TENM2: variants seen among roughly 807,000 people sequenced by gnomAD.
TENM2 encodes teneurin transmembrane protein 2, also known as teneurin-2.
Under a neutral mutation model 245.2 loss-of-function variants are expected in TENM2, and 52 were observed. The observed-to-expected ratio is 0.21, with a 90% CI of 0.17 to 0.27. TENM2 has a LOEUF of 0.27. Ranked by LOEUF, TENM2 falls within the 10% of genes least tolerant of loss-of-function variation. TENM2 has a pLI of 1.00. For synonymous variants in TENM2, 1,363 were observed against 1,438.9 expected (o/e 0.95, Z 1.19); for missense variants, 3,046 against 3,666.8 (o/e 0.83, Z 4.37).
intron 2 of TENM2, among the ~76,000 whole-genome samples, chr5:167,452,383 G>A (rs916646638): frequency 4.6e-5 from 7 of 152,140 alleles, no homozygotes; most frequent in African/African-American, 1.7e-4. Flanking sequence ...AGACTCATGA[G>A]TAAAGAAATG....
chr5:167,669,085 C>A (rs914208192), intron 2 of TENM2, among the ~76,000 whole-genome samples: 2 of 152,114 alleles, frequency 1.3e-5, no homozygotes, highest in Non-Finnish European at 2.9e-5. Flanking sequence ...ATTTCCAAAA[C>A]GAACTTTAAA....
intron 2 of TENM2, among the ~76,000 whole-genome samples, chr5:167,478,786 T>C (rs1767561920): frequency 6.6e-6 from 1 of 152,222 alleles, no homozygotes; most frequent in Non-Finnish European, 1.5e-5. Context: ...TTTTATGATA[T>C]GACTTCTCGG....
the TENM2 span, among the ~76,000 whole-genome samples, chr5:166,996,416 T>C: frequency 6.6e-6 from 1 of 152,202 alleles, no homozygotes; most frequent in Non-Finnish European, 1.5e-5. Flanking sequence ...TTAAAATGCC[T>C]GCATCCATAA....
At chr5:168,205,140 A>T (rs2152540428) in intron 19 of TENM2, among the ~76,000 whole-genome samples, 1 of 152,292 alleles carries the variant, frequency 6.6e-6, no homozygotes, top group South Asian at 2.1e-4. Flanking sequence ...CTGTGCTGGG[A>T]AAAAACTGAC....
the TENM2 span, among the ~76,000 whole-genome samples, chr5:167,258,214 T>TATATATATATGTGTATATATATATATAC: frequency 7.0e-6 from 1 of 143,190 alleles, no homozygotes; most frequent in Non-Finnish European, 1.5e-5. Flanking sequence ...TATATATATA[T>TATATATATATGTGTATATATATATATAC]GTATATATAT....
intron 4 of TENM2, among the ~76,000 whole-genome samples, chr5:167,989,405 G>A (rs922092933): frequency 6.6e-6 from 1 of 152,102 alleles, no homozygotes; most frequent in African/African-American, 2.4e-5. Flanking sequence ...TGGGTTAGGT[G>A]GGACAGAGAA....
At chr5:167,315,626 A>T (rs1226468347) in intron 1 of TENM2, among the ~76,000 whole-genome samples, 1 of 152,106 alleles carries the variant, frequency 6.6e-6, no homozygotes, top group Non-Finnish European at 1.5e-5. Flanking sequence ...AGTGAGGATG[A>T]TTTTTTTCAA....
intron 2 of TENM2, among the ~76,000 whole-genome samples, chr5:167,566,045 CT>C (rs1773887027): frequency 6.6e-6 from 1 of 152,084 alleles, no homozygotes; most frequent in Non-Finnish European, 1.5e-5. Flanking sequence ...GATGTTTTTG[CT>C]TTTATGGTAC....
chr5:167,631,568 C>A (rs1015467841), intron 2 of TENM2, among the ~76,000 whole-genome samples: 2 of 152,084 alleles, frequency 1.3e-5, no homozygotes, highest in African/African-American at 4.8e-5. Context: ...TGAGCGAACT[C>A]ATGACTGCTC....
chr5:167,128,553 TAA>T, the TENM2 span, among the ~76,000 whole-genome samples: 24 of 131,986 alleles, frequency 1.8e-4, no homozygotes, highest in Admixed American at 2.3e-4. Context: ...AGACTTTCAT[TAA>T]AAAAAAAAAA....
chr5:167,534,359 G>A (rs933108628), intron 2 of TENM2, among the ~76,000 whole-genome samples: 48 of 152,142 alleles, frequency 3.2e-4, no homozygotes, highest in African/African-American at 1.0e-3. Context: ...CACTTTAATG[G>A]ACTGCAAAAA....
In TENM2 at chr5:167,752,481, A is replaced by G. The variant is rs116447931; in HGVS notation, c.503-123505A>G. ...TTACCATCTACCAGTGACCACACCC[A>G]CATAGGGTTCTATTTCAGTGAGACT... On this transcript the variant is annotated intron_variant, in intron 2 of 28. Transcript: ENST00000518659. 7.2e-3 allele frequency among the ~76,000 whole-genome samples: 1,088 copies of G among 152,130 alleles called. 10 individuals are homozygous for G. The highest frequency in any genetic ancestry group is 0.025 in the African/African-American group (1,028 of 41,500).
At chr5:167,089,048 T>G in the TENM2 span, among the ~76,000 whole-genome samples, 1 of 152,242 alleles carries the variant, frequency 6.6e-6, no homozygotes, top group African/African-American at 2.4e-5. Context: ...TTGTATCTCA[T>G]GAAATTAAGA....
chr5:166,989,592 A>G, the TENM2 span, among the ~76,000 whole-genome samples: 6 of 151,304 alleles, frequency 4.0e-5, no homozygotes, highest in African/African-American at 1.2e-4. Flanking sequence ...GGGTTTTGCT[A>G]TGTTGTCCAG....
At chr5:167,531,699 C>T (rs1483266248) in intron 2 of TENM2, among the ~76,000 whole-genome samples, 1 of 149,460 alleles carries the variant, frequency 6.7e-6, no homozygotes, top group Admixed American at 7.1e-5. Context: ...TTTCAGATTC[C>T]ACGTGTAAGT....
At chr5:168,122,009 T>C (rs1297683220) in intron 10 of TENM2, among the ~76,000 whole-genome samples, 1 of 152,176 alleles carries the variant, frequency 6.6e-6, no homozygotes, top group Admixed American at 6.5e-5. Flanking sequence ...AATTTCTGCT[T>C]CCTATCGGTC....
At chr5:167,292,452 T>C (rs1244674816) in intron 1 of TENM2, among the ~76,000 whole-genome samples, 2 of 152,358 alleles carry the variant, frequency 1.3e-5, no homozygotes. Flanking sequence ...TTCATTTATC[T>C]CAGTTTCAAG....
At chr5:167,680,599 A>AGCT (rs1393467733) in intron 2 of TENM2, among the ~76,000 whole-genome samples, 1 of 152,136 alleles carries the variant, frequency 6.6e-6, no homozygotes, top group African/African-American at 2.4e-5. Flanking sequence ...GTGGAAAATA[A>AGCT]ATAGACAGGA....
At chr5:167,023,479 A>C in the TENM2 span, among the ~76,000 whole-genome samples, 1 of 152,204 alleles carries the variant, frequency 6.6e-6, no homozygotes, top group Non-Finnish European at 1.5e-5. Flanking sequence ...CAGAGAAATC[A>C]GATGTGATAT....
Sources: allele counts gnomAD v4.1 joint callset (sites outside exome capture counted in the v4.1 genomes callset), GRCh38; gene constraint gnomAD v4.1.1; transcripts MANE v1.5; gene names NCBI Gene and HGNC (gene_info 2026-07-23, HGNC 2026-07-21).